The following TNRC6A variants were observed in gnomAD, a reference collection of about 807,000 sequenced individuals.
The protein encoded by TNRC6A is trinucleotide repeat containing adaptor 6A.
TNRC6A carries 44 observed loss-of-function variants against 221.2 expected under a neutral mutation model. The ratio of observed to expected loss-of-function variants is 0.20; its 90% CI spans 0.16 to 0.26. TNRC6A has a LOEUF of 0.26. Among genes scored for constraint, TNRC6A ranks in the 10% least tolerant of loss-of-function variants. The probability of loss-of-function intolerance (pLI) is 1.00; values close to 1 mark genes in which losing one functional copy is unlikely to be tolerated. For synonymous variants in TNRC6A, 847 were observed against 838.5 expected (o/e 1.01, Z -0.18); for missense variants, 2,199 against 2,404.4 (o/e 0.91, Z 1.79).
intron 11 of TNRC6A, among the ~76,000 whole-genome samples, chr16:24,802,514 G>A (rs2058349867): frequency 6.6e-6 from 1 of 152,130 alleles, no homozygotes; most frequent in Non-Finnish European, 1.5e-5. Flanking sequence ...GTGCCACTAC[G>A]CTCCAGCCTG....
chr16:24,715,124 C>T (rs148338106), intron 2 of TNRC6A, among the ~76,000 whole-genome samples: 1 of 152,238 alleles, frequency 6.6e-6, no homozygotes, highest in East Asian at 1.9e-4. Flanking sequence ...GATCTGCCTG[C>T]CTCAGCCTCT....
At chr16:24,653,174 C>T (rs1258094676) in intron 2 of TNRC6A, among the ~76,000 whole-genome samples, 1 of 151,956 alleles carries the variant, frequency 6.6e-6, no homozygotes, top group African/African-American at 2.4e-5. Context: ...GAACAATAAC[C>T]CCAACAAAGA....
chr16:24,735,572 C>T (rs949243638), intron 2 of TNRC6A, among the ~76,000 whole-genome samples: 2 of 152,062 alleles, frequency 1.3e-5, no homozygotes, highest in Non-Finnish European at 2.9e-5. Flanking sequence ...TGGTAAATCA[C>T]TTGATAGGAT....
At chr16:24,751,329 C>T (rs1286113920) in intron 3 of TNRC6A, among the ~76,000 whole-genome samples, 1 of 152,138 alleles carries the variant, frequency 6.6e-6, no homozygotes, top group Non-Finnish European at 1.5e-5. Flanking sequence ...GTGTCAGTTT[C>T]TTTTTCCCTC....
chr16:24,791,897 T>G, intron 6 of TNRC6A, 80 bp downstream of exon 6: 1 of 1,385,198 alleles, frequency 7.2e-7, no homozygotes, highest in Non-Finnish European at 9.5e-7. Context: ...TACTTGGATA[T>G]GCACACAAAG....
intron 2 of TNRC6A, among the ~76,000 whole-genome samples, chr16:24,664,498 A>C (rs1013516293): frequency 1.4e-5 from 2 of 143,798 alleles, no homozygotes; most frequent in Non-Finnish European, 3.0e-5. Context: ...ATATAATAAA[A>C]ATAAATATAA....
intron 2 of TNRC6A, among the ~76,000 whole-genome samples, chr16:24,709,717 C>A (rs1021081394): frequency 6.8e-6 from 1 of 147,198 alleles, no homozygotes; most frequent in Non-Finnish European, 1.5e-5. Context: ...CCCTGCTATG[C>A]GGGAGGCTGA....
At chr16:24,671,892 T>A (rs2055309929) in intron 2 of TNRC6A, among the ~76,000 whole-genome samples, 1 of 151,988 alleles carries the variant, frequency 6.6e-6, no homozygotes, top group Non-Finnish European at 1.5e-5. Context: ...AGGGTAGAAA[T>A]CTTTTCTAGA....
intron 2 of TNRC6A, among the ~76,000 whole-genome samples, chr16:24,659,139 G>A (rs947569725): frequency 2.0e-5 from 3 of 151,770 alleles, no homozygotes; most frequent in South Asian, 2.1e-4. Context: ...TTTCTAATTC[G>A]CCCATTTATT....
intron 23 of TNRC6A, among the ~76,000 whole-genome samples, 195 bp from the exon 24 acceptor site, chr16:24,822,679 T>C (rs998994149): frequency 6.6e-6 from 1 of 151,902 alleles, no homozygotes; most frequent in Non-Finnish European, 1.5e-5. Context: ...GCCAGAGCGG[T>C]ATGGCTCTGG....
chr16:24,651,891 G>C (rs960259566), intron 2 of TNRC6A, among the ~76,000 whole-genome samples: 16 of 150,404 alleles, frequency 1.1e-4, no homozygotes, highest in African/African-American at 3.9e-4. Flanking sequence ...TTGAGGTCAG[G>C]AGTTTGAGAC....
intron 1 of TNRC6A, among the ~76,000 whole-genome samples, chr16:24,611,745 C>A (rs555317431): frequency 1.3e-5 from 2 of 152,176 alleles, no homozygotes; most frequent in South Asian, 4.2e-4. Context: ...ACAAGTCTTG[C>A]AGATATATTA....
chr16:24,688,084 C>T (rs1251849429), intron 2 of TNRC6A, among the ~76,000 whole-genome samples: 3 of 150,736 alleles, frequency 2.0e-5, no homozygotes. Context: ...AGGTGTCCAC[C>T]ACCATGCCCT....
Position 24,666,977 on chromosome 16 carries a change from G to A in TNRC6A, n.402+25968G>A, listed in dbSNP as rs1345114778. ...CTAAAAATACAAAAATTAGCAGGGC[G>A]CAGTGGCACGTGCCTGTAGCCCCAG... On this transcript the variant is annotated intron_variant and non_coding_transcript_variant, in intron 2 of 2. Coordinates refer to the TNRC6A transcript ENST00000566108. 4.0e-5 allele frequency among the ~76,000 whole-genome samples: 6 copies of A among 151,414 alleles called. No homozygotes were observed. In the South Asian group the frequency reaches 6.3e-4, roughly 16 times the overall value.
intron 1 of TNRC6A, among the ~76,000 whole-genome samples, chr16:24,613,649 T>C (rs1338312019): frequency 1.3e-5 from 2 of 151,948 alleles, no homozygotes; most frequent in Non-Finnish European, 2.9e-5. Flanking sequence ...CACCTCAGCC[T>C]CCTGAGTAGC....
In TNRC6A at chr16:24,791,432, G is replaced by A; in HGVS notation, c.2790G>A (p.Gln930=). 1 of 1,541,880 alleles carries A rather than the reference G, an allele frequency of 6.5e-7. No homozygotes were observed. The highest frequency in any genetic ancestry group is 8.7e-7 in the Non-Finnish European group (1 of 1,147,496). ...QGWGDPPKSN[Q]SLGWGDSSKP... ...GGGGAGACCCTCCAAAGTCTAATCAGTCTCTAGGTTGGGGAGATTCGTCAA... is the reference window on the plus strand; with the variant it reads ...GGGGAGACCCTCCAAAGTCTAATCAATCTCTAGGTTGGGGAGATTCGTCAA... The change falls in exon 6 of 25, where the codon CAG becomes CAA. Residue 930 remains glutamine, a synonymous_variant. Transcript: ENST00000395799.
intron 2 of TNRC6A, among the ~76,000 whole-genome samples, chr16:24,660,918 T>A (rs2055020314): frequency 6.6e-6 from 1 of 151,828 alleles, no homozygotes. Flanking sequence ...ATTTTTTGTA[T>A]TTTTAGTAGA....
chr16:24,784,107 T>A (rs2057913926), intron 5 of TNRC6A, among the ~76,000 whole-genome samples: 1 of 152,186 alleles, frequency 6.6e-6, no homozygotes, highest in Non-Finnish European at 1.5e-5. Context: ...GTTCAAATGA[T>A]TCTCCTTCCT....
intron 2 of TNRC6A, among the ~76,000 whole-genome samples, chr16:24,705,324 A>T (rs1183488872): frequency 6.6e-6 from 1 of 151,404 alleles, no homozygotes; most frequent in Non-Finnish European, 1.5e-5. Flanking sequence ...ATCTATTGAT[A>T]TTAGATGAAT....
Sources: gnomAD v4.1 joint callset for allele counts (sites outside exome capture counted in the v4.1 genomes callset) on GRCh38, gnomAD v4.1.1 for gene constraint, MANE v1.5 for transcripts, NCBI Gene and HGNC (gene_info 2026-07-23, HGNC 2026-07-21) for gene names.